CPLX2: variants seen among roughly 807,000 people sequenced by gnomAD.
The protein encoded by CPLX2 is complexin-2.
Under a neutral mutation model 16.3 loss-of-function variants are expected in CPLX2, and 5 were observed. The ratio of observed to expected loss-of-function variants is 0.31; its 90% CI spans 0.16 to 0.64. The LOEUF (loss-of-function observed/expected upper bound fraction) is 0.64. Ranked by LOEUF, CPLX2 falls within the 30% of genes least tolerant of loss-of-function variation. The probability of loss-of-function intolerance (pLI) is 0.79; values close to 1 mark genes in which losing one functional copy is unlikely to be tolerated. For missense variants in CPLX2, 144 were observed against 181.4 expected (o/e 0.79, Z 1.18); for synonymous variants, 89 against 73.2 (o/e 1.22, Z -1.10).
At position 175,878,889 on chromosome 5, in the gene CPLX2, T is replaced by A; in HGVS notation, c.32-19T>A. ...CCCCTAGCTGACCCCGCCCTCTCCT[T>A]CCCACCCCTTCCTCGTAGGGGCCAC... On this transcript the variant is annotated intron_variant, in intron 2 of 3. Transcript: ENST00000393745. The A allele has an allele frequency of 1.9e-6, 3 of 1,611,378 alleles. No homozygotes were observed. The highest frequency in any genetic ancestry group is 8.5e-7 in the Non-Finnish European group (1 of 1,178,764).
rs1157637266 is a variant in CPLX2 at position 175,845,045 on chromosome 5, G to A, written c.-88-33607G>A. On this transcript the variant is annotated intron_variant, in intron 2 of 4. Transcript: ENST00000359546. The surrounding 1 kb of genome is among the most constrained non-coding windows in gnomAD (Gnocchi z 4.0). The stretch of plus-strand genomic sequence containing the variant: ...CAAGGACCAGTTCTTAGAAGGGGAA[G>A]CCCCAGGCAGGCCCAGATGGTGACC... Among the ~76,000 whole-genome samples, 1 of 152,196 alleles carries A rather than the reference G, an allele frequency of 6.6e-6. No individual in the cohort carries two copies. The highest frequency in any genetic ancestry group is 1.5e-5 in the Non-Finnish European group (1 of 68,036).
rs1186984722 is a variant in CPLX2 at position 175,879,098 on chromosome 5, CCCGCCCGTCCTGGGGAGGG to C, written c.207+18_207+36del. ...TCCGAGATAAGGTCAGCTCCGCCCGCCCGCCCGTCCTGGGGAGGGCCACAAGCGGGTAAAACCGGTCCAG... is the reference window on the plus strand; with the variant it reads ...TCCGAGATAAGGTCAGCTCCGCCCGCCCACAAGCGGGTAAAACCGGTCCAG... On this transcript the variant is annotated intron_variant, in intron 3 of 3. Transcript: ENST00000393745. 1 of 1,553,790 alleles carries C rather than the reference CCCGCCCGTCCTGGGGAGGG, an allele frequency of 6.4e-7. No homozygotes were observed. The highest frequency in any genetic ancestry group is 8.7e-7 in the Non-Finnish European group (1 of 1,148,680).
intron 2 of CPLX2, 69 bp downstream of exon 2, chr5:175,878,839 C>T: frequency 6.2e-7 from 1 of 1,607,872 alleles, no homozygotes; most frequent in Non-Finnish European, 8.5e-7. Context: ...CTCGGCCCAC[C>T]CGGCCCCTCT....
rs745419204 is a variant in CPLX2 at position 175,820,802 on chromosome 5, T to C, written c.-89+11734T>C. 5.8e-4 allele frequency among the ~76,000 whole-genome samples: 89 copies of C among 152,170 alleles called. 1 individual carries two copies. Among genetic ancestry groups the C allele is most frequent in the Non-Finnish European group, 1.8e-4 (12 of 68,038 alleles). ...CTCCCTCCCTTCATGGAGTTTCCTC[T>C]GCATTGAGAGAAACAGACAATAAAC... On this transcript the variant is annotated intron_variant, in intron 2 of 4. Transcript: ENST00000359546.
intron 2 of CPLX2, among the ~76,000 whole-genome samples, chr5:175,814,348 G>A (rs1216545688): frequency 2.0e-5 from 3 of 152,260 alleles, no homozygotes; most frequent in Non-Finnish European, 4.4e-5. Flanking sequence ...AGCCTGGCCA[G>A]CAGTCAGTGA....
chr5:175,851,548 G>A (rs965179415), intron 2 of CPLX2, among the ~76,000 whole-genome samples: 4 of 152,228 alleles, frequency 2.6e-5, no homozygotes, highest in Admixed American at 6.5e-5. Flanking sequence ...TGAAATGGGC[G>A]TAATAACTTC....
At chr5:175,812,187 G>A (rs1329610095) in intron 2 of CPLX2, among the ~76,000 whole-genome samples, 1 of 152,200 alleles carries the variant, frequency 6.6e-6, no homozygotes, top group African/African-American at 2.4e-5. Context: ...GGGAAATCAG[G>A]CAAGACCTAT....
In CPLX2 at chr5:175,830,630, G is replaced by A. The variant is rs533766741; in HGVS notation, c.-89+21562G>A. On this transcript the variant is annotated intron_variant, in intron 2 of 4. Transcript: ENST00000359546. This position sits in a 1 kb window ranked among gnomAD's most constrained non-coding sequence, Gnocchi z 4.0. Reference sequence around the variant, plus strand: ...ACCCTCATACATAGCTCTGCAGGCAGGCAAGGGATGAGCACAATCCAGTCT... The same window carrying A: ...ACCCTCATACATAGCTCTGCAGGCAAGCAAGGGATGAGCACAATCCAGTCT... Among the ~76,000 whole-genome samples, 46 of 152,366 alleles carry A rather than the reference G, an allele frequency of 3.0e-4. No individual in the cohort carries two copies. Among genetic ancestry groups the A allele is most frequent in the African/African-American group, 9.9e-4 (41 of 41,592 alleles).
rs118014427 is a variant in CPLX2 at position 175,851,297 on chromosome 5, G to C, written c.-88-27355G>C. Among the ~76,000 whole-genome samples, 148 of 152,266 alleles carry C rather than the reference G, an allele frequency of 9.7e-4. 2 individuals carry two copies. In the East Asian group the frequency reaches 0.027, roughly 27 times the overall value. On this transcript the variant is annotated intron_variant, in intron 2 of 4. Transcript: ENST00000359546. ...GTAAACAGCTGTCAGGTCCAGTTGG[G>C]GCCAGGTTGAAGGGCCACGGTGAAG...
chr5:175,854,937 G>A (rs999782228), intron 2 of CPLX2, among the ~76,000 whole-genome samples: 3 of 152,264 alleles, frequency 2.0e-5, no homozygotes, highest in Non-Finnish European at 2.9e-5. Flanking sequence ...CCAGACAGAC[G>A]TCATCTCTGC....
Position 175,845,196 on chromosome 5 carries a change from T to C in CPLX2, c.-88-33456T>C, listed in dbSNP as rs182277071. Among the ~76,000 whole-genome samples, 2 of 152,342 alleles carry C rather than the reference T, an allele frequency of 1.3e-5. No homozygotes were observed. Among genetic ancestry groups the C allele is most frequent in the Admixed American group, 1.3e-4 (2 of 15,300 alleles). ...TGTGTGGGAGTCAACAGCAGACACCTTTTCCAAACCAGAAAGCTCCTTAAA... is the reference window on the plus strand; with the variant it reads ...TGTGTGGGAGTCAACAGCAGACACCCTTTCCAAACCAGAAAGCTCCTTAAA... On this transcript the variant is annotated intron_variant, in intron 2 of 4. Transcript: ENST00000359546. The surrounding 1 kb of genome is among the most constrained non-coding windows in gnomAD (Gnocchi z 4.0).
chr5:175,797,085 C>G (rs1043529278), intron 1 of CPLX2, among the ~76,000 whole-genome samples: 1 of 152,152 alleles, frequency 6.6e-6, no homozygotes, highest in Non-Finnish European at 1.5e-5. Flanking sequence ...CCGCACCCTC[C>G]GCCCTGGTTC....
At chr5:175,832,065 C>G (rs1057132528) in intron 2 of CPLX2, among the ~76,000 whole-genome samples, 2 of 152,216 alleles carry the variant, frequency 1.3e-5, no homozygotes. Flanking sequence ...TTTCCACCAT[C>G]TGGGATTTAT....
chr5:175,801,528 A>G (rs930930215), intron 1 of CPLX2, among the ~76,000 whole-genome samples: 2 of 152,206 alleles, frequency 1.3e-5, no homozygotes, highest in African/African-American at 4.8e-5. Flanking sequence ...CCCAGGAGCT[A>G]GGCTGCCTGG....
At chr5:175,834,917 T>G (rs1389102657) in intron 2 of CPLX2, among the ~76,000 whole-genome samples, 1 of 152,054 alleles carries the variant, frequency 6.6e-6, no homozygotes, top group African/African-American at 2.4e-5. Context: ...GAAAGTTTTG[T>G]GGAAGCAAAA....
chr5:175,873,031 C>G (rs1218686330), intron 1 of CPLX2: 2 of 151,586 alleles, frequency 1.3e-5, no homozygotes, highest in African/African-American at 4.8e-5. Flanking sequence ...GTACGGAAAC[C>G]TGGTGCTACG....
chr5:175,813,547 G>A (rs1171029955), intron 2 of CPLX2, among the ~76,000 whole-genome samples: 3 of 152,228 alleles, frequency 2.0e-5, no homozygotes, highest in African/African-American at 2.4e-5. Context: ...AGGCCCAGTC[G>A]GTCTGGAACA....
chr5:175,824,697 G>A (rs1758578209), intron 2 of CPLX2, among the ~76,000 whole-genome samples: 1 of 152,224 alleles, frequency 6.6e-6, no homozygotes, highest in African/African-American at 2.4e-5. Flanking sequence ...CCACTAGAAA[G>A]TGTCTACCAC....
At chr5:175,877,479 C>G (rs970814741) in intron 1 of CPLX2, among the ~76,000 whole-genome samples, 2 of 152,146 alleles carry the variant, frequency 1.3e-5, no homozygotes, top group African/African-American at 4.8e-5. Context: ...TCCCAGGAAC[C>G]CTTTTTCTTC....
Sources: gnomAD v4.1 joint callset for allele counts (sites outside exome capture counted in the v4.1 genomes callset) on GRCh38, gnomAD v4.1.1 for gene constraint, Gnocchi (gnomAD v3.1) non-coding constraint, MANE v1.5 for transcripts, NCBI Gene and HGNC (gene_info 2026-07-23, HGNC 2026-07-21) for gene names.